Variants in CCDC18 observed in about 807,000 individuals in gnomAD.
The protein encoded by CCDC18 is coiled-coil domain containing 18, also known as coiled-coil domain-containing protein 18.
CCDC18 carries 157 observed loss-of-function variants against 196.0 expected under a neutral mutation model. That is an observed-to-expected ratio of 0.80 (90% CI 0.70 to 0.91). The LOEUF is 0.91. CCDC18 is among the 40% of genes least tolerant of loss of function. CCDC18 has a pLI of 0.00. For synonymous variants in CCDC18, 482 were observed against 529.2 expected (o/e 0.91, Z 1.22); for missense variants, 1,465 against 1,611.6 (o/e 0.91, Z 1.56).
At chr1:93,210,318 G>A (rs759923505) in intron 9 of CCDC18, among the ~76,000 whole-genome samples, 12 of 152,046 alleles carry the variant, frequency 7.9e-5, no homozygotes, top group Non-Finnish European at 1.8e-4. Flanking sequence ...TAAAATTTGG[G>A]ACACATATTG....
At chr1:93,230,987 T>G (rs948425467) in intron 17 of CCDC18, among the ~76,000 whole-genome samples, 1 of 152,234 alleles carries the variant, frequency 6.6e-6, no homozygotes, top group Non-Finnish European at 1.5e-5. Context: ...GAAAAGGGAT[T>G]ATAATTCAGG....
At chr1:93,187,086 C>T (rs1302889251) in intron 4 of CCDC18, among the ~76,000 whole-genome samples, 1 of 151,708 alleles carries the variant, frequency 6.6e-6, no homozygotes, top group African/African-American at 2.4e-5. Context: ...TCAGTGGTTT[C>T]CTATTTTTTT....
At chr1:93,277,447 C>A (rs542599422) in intron 28 of CCDC18, among the ~76,000 whole-genome samples, 1 of 108,820 alleles carries the variant, frequency 9.2e-6, no homozygotes, top group Non-Finnish European at 1.7e-5. Flanking sequence ...GAGGTCCCTG[C>A]GGCCTTCCGC....
chr1:93,277,800 T>G (rs1019042506), intron 28 of CCDC18, among the ~76,000 whole-genome samples: 2 of 152,094 alleles, frequency 1.3e-5, no homozygotes, highest in African/African-American at 4.8e-5. Context: ...TAATCTTCCT[T>G]TTTCATTGAT....
intron 28 of CCDC18, among the ~76,000 whole-genome samples, chr1:93,274,536 A>G (rs1301993164): frequency 1.3e-5 from 2 of 152,078 alleles, no homozygotes; most frequent in Non-Finnish European, 2.9e-5. Flanking sequence ...TTGAAGATCA[A>G]TGCCAAATTA....
intron 13 of CCDC18, among the ~76,000 whole-genome samples, 189 bp downstream of exon 13, chr1:93,216,935 C>CTTTT (rs397980840): frequency 0.078 from 10,305 of 132,558 alleles, 521 homozygotes; most frequent in African/African-American, 0.12. Context: ...CAAGTTTTCT[C>CTTTT]TTTTTTTTTT....
At position 93,246,819 on chromosome 1, in the gene CCDC18, G is replaced by A; in HGVS notation, c.3082-19G>A. The A allele has an allele frequency of 9.0e-7, 1 of 1,114,666 alleles. No individual in the cohort carries two copies. The highest frequency in any genetic ancestry group is 1.4e-6 in the Non-Finnish European group (1 of 738,210). The allele number at this position is 1,114,666 out of a possible 1,614,324, so 69.0% of individuals were successfully genotyped here. On this transcript the variant is annotated intron_variant, in intron 22 of 28. Transcript: ENST00000690025. ...TATATCAGAATAAAATTGAACAACA[G>A]TTTAAGGTTATTTTTTAGGTTACAC...
chr1:93,228,731 T>G lies in CCDC18; in HGVS notation c.2292+2282T>G, dbSNP rs901973981. 1.3e-5 allele frequency among the ~76,000 whole-genome samples: 2 copies of G among 152,038 alleles called. 1 individual carries two copies. The highest frequency in any genetic ancestry group is 4.8e-5 in the African/African-American group (2 of 41,388). On this transcript the variant is annotated intron_variant, in intron 17 of 28. Transcript: ENST00000690025. ...AAAGTAGTATACAAAATACATTATT[T>G]TGGCATTTATTCTACTGCCCATACC... is the stretch of plus-strand genomic sequence containing the variant.
intron 6 of CCDC18, among the ~76,000 whole-genome samples, chr1:93,198,002 T>C (rs553655534): frequency 1.5e-4 from 23 of 152,022 alleles, no homozygotes; most frequent in South Asian, 4.2e-4. Context: ...CCGCCCGCCT[T>C]GGCCTCCCAA....
rs550501908 is a variant in CCDC18 at position 93,180,728 on chromosome 1, C to T, written c.-127C>T. 5.9e-6 allele frequency: 8 copies of T among 1,364,140 alleles called. 1 individual carries two copies. In the African/African-American group the frequency reaches 7.4e-5, roughly 13 times the overall value. 84.5% of individuals were successfully genotyped at this position (1,364,140 alleles called of 1,614,324 possible). ...CGTCCCAACGGCTCCCGCGGCGGTT[C>T]GAATTCTGTGCTGCCGGGGTTCGCT... On this transcript the variant is annotated 5_prime_UTR_variant, in exon 1 of 29. Transcript: ENST00000690025.
intron 20 of CCDC18, 87 bp from the exon 21 acceptor site, chr1:93,239,596 T>C (rs980714630): frequency 1.1e-5 from 15 of 1,305,324 alleles, no homozygotes; most frequent in Admixed American, 6.5e-5. Flanking sequence ...CTCTCGTAGA[T>C]GAATATAATT....
At chr1:93,236,041 A>T (rs2100780395) in intron 18 of CCDC18, among the ~76,000 whole-genome samples, 1 of 152,326 alleles carries the variant, frequency 6.6e-6, no homozygotes, top group South Asian at 2.1e-4. Flanking sequence ...TAGTGTTATG[A>T]TGTGGCCACT....
At chr1:93,181,152 A>C (rs942072156) in intron 1 of CCDC18, among the ~76,000 whole-genome samples, 3 of 52,218 alleles carry the variant, frequency 5.7e-5, no homozygotes, top group Non-Finnish European at 1.1e-4. Flanking sequence ...CACTGTCTCT[A>C]TAAAATTAAA....
At chr1:93,256,304 CT>C in intron 24 of CCDC18, 30 bp from the exon 25 acceptor site, 1 of 1,588,882 alleles carries the variant, frequency 6.3e-7, no homozygotes, top group African/African-American at 1.3e-5. Context: ...ATATTTCATT[CT>C]GAAACCTACA....
At chr1:93,195,218 A>G (rs997682702) in intron 6 of CCDC18, among the ~76,000 whole-genome samples, 1 of 152,202 alleles carries the variant, frequency 6.6e-6, no homozygotes, top group Non-Finnish European at 1.5e-5. Context: ...GGACAGACAC[A>G]TTCTGGGCAG....
chr1:93,277,703 T>G (rs1665696710), intron 28 of CCDC18, among the ~76,000 whole-genome samples: 1 of 151,910 alleles, frequency 6.6e-6, no homozygotes, highest in Non-Finnish European at 1.5e-5. Flanking sequence ...TCTACTTCTT[T>G]CTACACAGAC....
chr1:93,221,659 G>C lies in CCDC18; in HGVS notation c.2013G>C (p.Lys671Asn), dbSNP rs1229353988. The change falls in exon 15 of 29, where the codon AAG becomes AAC. Residue 671 changes from lysine (K) to asparagine (N), a missense_variant. By Grantham distance (94) the Lys-to-Asn change is moderately conservative. Transcript: ENST00000690025. ...ACCAACAATTTAAAGAACAAGAAAA[G>C]ACTATGTCCATGTTGCAACAAGATA... ...KKDQQFKEQE[K>N]TMSMLQQDII... The C allele has an allele frequency of 3.8e-6, 6 of 1,587,776 alleles. No homozygotes were observed. The South Asian group carries it at 7.1e-5, about 19-fold the overall frequency.
intron 10 of CCDC18, among the ~76,000 whole-genome samples, chr1:93,211,298 T>A (rs1310663614): frequency 6.7e-6 from 1 of 150,354 alleles, no homozygotes; most frequent in African/African-American, 2.4e-5. Flanking sequence ...AAAAGACCCT[T>A]AATTGAGGAA....
chr1:93,210,065 G>C (rs1043538037), intron 9 of CCDC18, among the ~76,000 whole-genome samples: 4 of 152,012 alleles, frequency 2.6e-5, no homozygotes, highest in African/African-American at 9.7e-5. Context: ...TCTCAAAAAA[G>C]AATCATTTGA....
Sources: gnomAD v4.1 joint callset for allele counts (sites outside exome capture counted in the v4.1 genomes callset) on GRCh38, gnomAD v4.1.1 for gene constraint, MANE v1.5 for transcripts, NCBI Gene and HGNC (gene_info 2026-07-23, HGNC 2026-07-21) for gene names.